PDCD6: variants seen among roughly 807,000 people sequenced by gnomAD.
The protein encoded by PDCD6 is programmed cell death 6.
PDCD6 carries 12 observed loss-of-function variants against 28.3 expected under a neutral mutation model. The observed-to-expected ratio is 0.42, with a 90% confidence interval of 0.27 to 0.69. PDCD6 has a LOEUF of 0.69. Ranked by LOEUF, PDCD6 falls within the 30% of genes least tolerant of loss-of-function variation. PDCD6 has a pLI of 0.22. For missense variants in PDCD6, 226 were observed against 269.9 expected, an observed-to-expected ratio of 0.84 and a Z score of 1.14; for synonymous variants, 92 against 108.0, an observed-to-expected ratio of 0.85 and a Z score of 0.92.
chr5:275,606 T>C (rs1263166200), intron 2 of PDCD6, among the ~76,000 whole-genome samples: 2 of 152,254 alleles, frequency 1.3e-5, no homozygotes, highest in African/African-American at 2.4e-5. Flanking sequence ...TCTCAACCAA[T>C]ATGATTCACA....
At chr5:300,369 A>G (rs1739974002) in intron 2 of PDCD6, among the ~76,000 whole-genome samples, 2 of 152,022 alleles carry the variant, frequency 1.3e-5, no homozygotes, top group Middle Eastern at 3.2e-3. Context: ...ACCCTGTGTG[A>G]CTCCGCTGGG....
At chr5:299,703 C>G (rs1464053712) in intron 2 of PDCD6, among the ~76,000 whole-genome samples, 4 of 152,102 alleles carry the variant, frequency 2.6e-5, no homozygotes, top group Non-Finnish European at 5.9e-5. Flanking sequence ...GCACACGCCG[C>G]CATGCCTGGC....
At chr5:284,439 T>TGGAGATCC (rs1738795646) in intron 2 of PDCD6, among the ~76,000 whole-genome samples, 2 of 152,086 alleles carry the variant, frequency 1.3e-5, no homozygotes, top group African/African-American at 4.8e-5. Flanking sequence ...GCTGGAGATC[T>TGGAGATCC]GGCAGGAGCT....
intron 2 of PDCD6, chr5:289,771 G>T: frequency 1.0e-6 from 1 of 993,194 alleles, no homozygotes; most frequent in Non-Finnish European, 1.6e-6. Context: ...CATGGGGGCT[G>T]ACAAAGAAAC....
chr5:306,551 G>C lies in PDCD6; in HGVS notation c.209-51G>C, dbSNP rs182694147. 1.9e-5 allele frequency: 31 copies of C among 1,602,180 alleles called. No individual in the cohort carries two copies. The Admixed American group carries it at 4.7e-4, about 24-fold the overall frequency. On this transcript the variant is annotated intron_variant, in intron 3 of 5. Coordinates refer to ENST00000264933, the MANE Select transcript of PDCD6 (RefSeq NM_013232.4). The stretch of plus-strand genomic sequence containing the variant: ...TGAGGTCTGGTGGGAAGCCTCAAGT[G>C]AGTTTGCTGCAACTGATCTTTTGCT...
At chr5:296,065 A>G (rs1223298811) in intron 2 of PDCD6, among the ~76,000 whole-genome samples, 1 of 152,094 alleles carries the variant, frequency 6.6e-6, no homozygotes, top group Non-Finnish European at 1.5e-5. Flanking sequence ...CTTCCTTCAC[A>G]CTACCTGGGA....
At chr5:310,545 C>G (rs981863076) in intron 4 of PDCD6, 4 of 152,330 alleles carry the variant, frequency 2.6e-5, no homozygotes, top group African/African-American at 9.6e-5. Context: ...GAAGGGAAGG[C>G]GGCAGGCGGG....
chr5:291,546 G>C (rs1424608793), intron 2 of PDCD6, among the ~76,000 whole-genome samples: 4 of 126,054 alleles, frequency 3.2e-5, no homozygotes, highest in African/African-American at 1.2e-4. Flanking sequence ...CATTTTCATT[G>C]CTGCGTGATC....
At chr5:284,376 C>T (rs866497765) in intron 2 of PDCD6, among the ~76,000 whole-genome samples, 2 of 152,124 alleles carry the variant, frequency 1.3e-5, no homozygotes, top group African/African-American at 2.4e-5. Context: ...GTTTGAGGGT[C>T]GCGTAGCTGA....
Position 314,732 on chromosome 5 carries a change from C to G in PDCD6, c.*217C>G. The G allele has an allele frequency of 3.1e-6, 2 of 645,590 alleles. No homozygotes were observed. The highest frequency in any genetic ancestry group is 3.3e-5 in the South Asian group (2 of 61,314). The allele number at this position is 645,590 out of a possible 1,614,324, so 40.0% of individuals were successfully genotyped here. On this transcript the variant is annotated 3_prime_UTR_variant, in exon 6 of 6. Coordinates refer to ENST00000264933, the MANE Select transcript of PDCD6 (RefSeq NM_013232.4). ...CTAATGCAGACATTGGATTTGGTGA[C>G]TGTCTCATTGTGCCATGAGGTAAAT...
intron 3 of PDCD6, chr5:304,840 G>A (rs1171498129): frequency 6.6e-6 from 1 of 152,114 alleles, no homozygotes; most frequent in Non-Finnish European, 1.5e-5. Context: ...CTCCCCAGCT[G>A]TATAGGCAGC....
In PDCD6 at chr5:314,577, T is replaced by C; in HGVS notation, c.*62T>C. ...GAGCCAAAATGTCACAGTTCCTATC[T>C]GTGAGGGAATGGAGCACAGGTGCAG... is the stretch of plus-strand genomic sequence containing the variant. On this transcript the variant is annotated 3_prime_UTR_variant, in exon 6 of 6. Coordinates refer to ENST00000264933, the MANE Select transcript of PDCD6 (RefSeq NM_013232.4). 2 of 1,164,368 alleles carry C rather than the reference T, an allele frequency of 1.7e-6. No individual in the cohort carries two copies. Among genetic ancestry groups the C allele is most frequent in the Non-Finnish European group, 2.6e-6 (2 of 774,102 alleles). 72.1% of individuals were successfully genotyped at this position (1,164,368 alleles called of 1,614,324 possible).
chr5:277,183 T>C (rs1457988294), intron 2 of PDCD6, among the ~76,000 whole-genome samples: 2 of 152,174 alleles, frequency 1.3e-5, no homozygotes, highest in Non-Finnish European at 2.9e-5. Context: ...TGGAGTGCAG[T>C]GGCACGCTCT....
chr5:285,897 C>A (rs1738923405), intron 2 of PDCD6, among the ~76,000 whole-genome samples: 1 of 150,726 alleles, frequency 6.6e-6, no homozygotes, highest in South Asian at 2.1e-4. Flanking sequence ...CAGCTGGAGA[C>A]CCAGGGGTGA....
At chr5:284,839 A>T (rs1476069634) in intron 2 of PDCD6, among the ~76,000 whole-genome samples, 9 of 117,856 alleles carry the variant, frequency 7.6e-5, no homozygotes, top group African/African-American at 2.5e-4. Flanking sequence ...GGGAGAAGAT[A>T]TTCCAGTTTC....
intron 2 of PDCD6, among the ~76,000 whole-genome samples, chr5:280,980 TCAA>T (rs1738527688): frequency 6.6e-6 from 1 of 152,256 alleles, no homozygotes; most frequent in African/African-American, 2.4e-5. Context: ...TCTGGGAATC[TCAA>T]CAAAGTAAAT....
At chr5:285,697 C>T (rs943338213) in intron 2 of PDCD6, among the ~76,000 whole-genome samples, 14 of 129,508 alleles carry the variant, frequency 1.1e-4, no homozygotes, top group South Asian at 5.3e-4. Flanking sequence ...GTGCAGCTGG[C>T]GACCCGGGGG....
chr5:275,788 G>A (rs1024060914), intron 2 of PDCD6, among the ~76,000 whole-genome samples: 7 of 152,184 alleles, frequency 4.6e-5, no homozygotes, highest in Admixed American at 2.6e-4. Context: ...AAGTTGCAGG[G>A]CTGCGATTTG....
chr5:275,485 C>A (rs1170391980), intron 2 of PDCD6, among the ~76,000 whole-genome samples: 1 of 152,230 alleles, frequency 6.6e-6, no homozygotes, highest in Non-Finnish European at 1.5e-5. Flanking sequence ...ATGACATTTT[C>A]CTCTTCAATT....
Sources: gnomAD v4.1 joint callset for allele counts (sites outside exome capture counted in the v4.1 genomes callset) on GRCh38, gnomAD v4.1.1 for gene constraint, MANE v1.5 for transcripts, NCBI Gene and HGNC (gene_info 2026-07-23, HGNC 2026-07-21) for gene names.